Variants in CHMP3 observed in about 807,000 individuals in gnomAD.
CHMP3 encodes 25.1 protein.
A neutral mutation model predicts 27.4 loss-of-function variants in CHMP3; 8 were observed. That is an observed-to-expected ratio of 0.29 (90% CI 0.17 to 0.53). CHMP3 has a LOEUF of 0.53. CHMP3 is among the 20% of genes least tolerant of loss of function. CHMP3 has a pLI of 0.96. For synonymous variants in CHMP3, 86 were observed against 85.5 expected (o/e 1.01, Z -0.03); for missense variants, 208 against 271.5 (o/e 0.77, Z 1.64).
chr2:86,511,808 G>A (rs1293650860), intron 3 of CHMP3: 1 of 152,108 alleles, frequency 6.6e-6, no homozygotes. Flanking sequence ...TATGTGTTCA[G>A]TAAACATTTT....
At position 86,505,789 on chromosome 2, in the gene CHMP3, C is replaced by T. The variant is rs780519117; in HGVS notation, c.*15G>A. 5.7e-5 allele frequency: 89 copies of T among 1,558,948 alleles called. No individual in the cohort carries two copies. Among genetic ancestry groups the T allele is most frequent in the Non-Finnish European group, 7.7e-5 (89 of 1,151,276 alleles). ...TTGAGAGGAGTGTGTGCACACCCAGCGGGGTAGGCAGCCCCTAGCTGCGGA... is the reference window on the plus strand; with the variant it reads ...TTGAGAGGAGTGTGTGCACACCCAGTGGGGTAGGCAGCCCCTAGCTGCGGA... On this transcript the variant is annotated 3_prime_UTR_variant, in exon 6 of 6. Transcript: ENST00000263856.
intron 3 of CHMP3, among the ~76,000 whole-genome samples, chr2:86,519,839 A>T (rs982873779): frequency 6.6e-6 from 1 of 152,250 alleles, no homozygotes; most frequent in Non-Finnish European, 1.5e-5. Context: ...GAATAAACAC[A>T]TCATGAACAA....
chr2:86,545,861 C>T (rs141406426), intron 1 of CHMP3, among the ~76,000 whole-genome samples: 12,780 of 150,956 alleles, frequency 0.085, 601 homozygotes, highest in African/African-American at 0.11. Flanking sequence ...AGGGCAGAGG[C>T]GCTCCTCACT....
At chr2:86,507,123 C>CA (rs2104737437) in intron 5 of CHMP3, 1 of 161,312 alleles carries the variant, frequency 6.2e-6, no homozygotes, top group African/African-American at 2.4e-5. Context: ...CTGAGCCTCC[C>CA]AAAGTGCTGG....
rs1481680405 is a variant in CHMP3, at chr2:86,507,559, A to G, written c.443T>C (p.Phe148Ser). 1.9e-6 allele frequency: 3 copies of G among 1,614,170 alleles called. No individual in the cohort carries two copies. Residue 148 changes from phenylalanine (F) to serine (S), a missense_variant, in exon 5 of 6, where the codon TTT (phenylalanine) becomes TCT (serine). Phe to Ser is a radical substitution (Grantham distance 155). This residue lies in a region of CHMP3 where 94 missense variants were observed against 159.6 expected (regional missense o/e 0.59). Transcript: ENST00000263856. The stretch of plus-strand genomic sequence containing the variant: ...TTCTTCCTGATCGTCCATGCTTTCA[A>G]AAGTGTCCTCTAACATCTCCTCTAT... ...GIIEEMLEDT[F>S]ESMDDQEEME... is the part of the protein sequence containing the mutation.
At chr2:86,511,046 C>G (rs1382564297) in intron 3 of CHMP3, 3 of 152,310 alleles carry the variant, frequency 2.0e-5, no homozygotes, top group African/African-American at 7.2e-5. Flanking sequence ...CTACTACAAT[C>G]TTCTTTATAA....
intron 2 of CHMP3, among the ~76,000 whole-genome samples, chr2:86,536,066 G>C (rs1303003112): frequency 7.3e-6 from 1 of 136,718 alleles, no homozygotes; most frequent in African/African-American, 2.7e-5. Flanking sequence ...CGGGATCTCG[G>C]CTCACTGCAA....
chr2:86,541,922 C>T (rs953748761), intron 2 of CHMP3, among the ~76,000 whole-genome samples: 3 of 152,166 alleles, frequency 2.0e-5, no homozygotes, highest in Non-Finnish European at 4.4e-5. Flanking sequence ...ATACTGTCCT[C>T]AATTTACAGT....
chr2:86,512,455 C>A (rs1440665391), intron 3 of CHMP3: 1 of 152,146 alleles, frequency 6.6e-6, no homozygotes, highest in Non-Finnish European at 1.5e-5. Flanking sequence ...TCTGCTATAG[C>A]AGCACAAAAG....
intron 3 of CHMP3, among the ~76,000 whole-genome samples, chr2:86,517,721 T>C (rs1339772613): frequency 6.6e-6 from 1 of 151,764 alleles, no homozygotes; most frequent in Non-Finnish European, 1.5e-5. Flanking sequence ...CAGTTAAATT[T>C]TTTAAAAATT....
At chr2:86,556,568 G>T (rs1677130205) in intron 1 of CHMP3, among the ~76,000 whole-genome samples, 1 of 152,148 alleles carries the variant, frequency 6.6e-6, no homozygotes, top group South Asian at 2.1e-4. Flanking sequence ...CCTGGGAGAT[G>T]TAAGGGGATG....
At chr2:86,556,867 G>A (rs910806302) in intron 1 of CHMP3, among the ~76,000 whole-genome samples, 6 of 152,112 alleles carry the variant, frequency 3.9e-5, no homozygotes, top group Admixed American at 6.6e-5. Flanking sequence ...TCTTTCATCC[G>A]TCGTTTGGCC....
At chr2:86,525,308 T>C (rs1675658384) in intron 3 of CHMP3, among the ~76,000 whole-genome samples, 2 of 152,186 alleles carry the variant, frequency 1.3e-5, no homozygotes, top group African/African-American at 4.8e-5. Flanking sequence ...AAAATTCACA[T>C]TAACAACGTA....
intron 1 of CHMP3, among the ~76,000 whole-genome samples, chr2:86,560,047 C>T (rs541078141): frequency 3.9e-5 from 6 of 152,228 alleles, no homozygotes; most frequent in Admixed American, 2.0e-4. Context: ...GGGCAGATCA[C>T]GAGGTCAGGA....
chr2:86,531,248 A>G (rs184494762), intron 2 of CHMP3, among the ~76,000 whole-genome samples: 1 of 152,034 alleles, frequency 6.6e-6, no homozygotes, highest in Non-Finnish European at 1.5e-5. Context: ...GGCTCAAGCA[A>G]TCTACCCACC....
At chr2:86,558,668 G>C (rs1454733111) in intron 1 of CHMP3, among the ~76,000 whole-genome samples, 1 of 152,104 alleles carries the variant, frequency 6.6e-6, no homozygotes, top group African/African-American at 2.4e-5. Flanking sequence ...CCAGGACCCA[G>C]ACCCACCTGC....
rs33977886 is a variant in CHMP3, at chr2:86,534,196, C to CT, written c.107-4800dup. On this transcript the variant is annotated intron_variant, in intron 2 of 5. Transcript: ENST00000263856. ...ATCTTTAGATCCAATTGCTTTATTT[C>CT]TTTTTTTTTTTTTTTTTTTTTTTTT... Among the ~76,000 whole-genome samples, 276 of 66,946 alleles carry CT rather than the reference C, an allele frequency of 4.1e-3. 14 individuals are homozygous for CT. Among genetic ancestry groups the CT allele is most frequent in the Non-Finnish European group, 4.6e-3 (169 of 37,124 alleles). The allele number at this position is 66,946 out of a possible 152,430, so 43.9% of individuals were successfully genotyped here. A position where few individuals can be genotyped will look rare whatever the true frequency, so the allele number is the denominator to read the frequency against.
At chr2:86,539,840 T>A (rs1252603186) in intron 2 of CHMP3, among the ~76,000 whole-genome samples, 1 of 152,114 alleles carries the variant, frequency 6.6e-6, no homozygotes, top group Non-Finnish European at 1.5e-5. Flanking sequence ...TCCAAGTTTC[T>A]ATCTGGTATG....
chr2:86,534,115 T>A (rs1225749023), intron 2 of CHMP3, among the ~76,000 whole-genome samples: 1 of 152,042 alleles, frequency 6.6e-6, no homozygotes, highest in Non-Finnish European at 1.5e-5. Flanking sequence ...CTAAAGAATG[T>A]CTTGTGTATA....
Sources: allele counts gnomAD v4.1 joint callset (sites outside exome capture counted in the v4.1 genomes callset), GRCh38; gene constraint gnomAD v4.1.1; regional missense constraint gnomAD v4.1.1; transcripts MANE v1.5; gene names NCBI Gene and HGNC (gene_info 2026-07-23, HGNC 2026-07-21).